The following CHRM3 variants were observed in gnomAD, a reference collection of about 807,000 sequenced individuals.
CHRM3 encodes the protein muscarinic acetylcholine receptor M3.
Under a neutral mutation model 41.8 loss-of-function variants are expected in CHRM3, and 11 were observed. The ratio of observed to expected loss-of-function variants is 0.26; its 90% confidence interval spans 0.17 to 0.44. The LOEUF is 0.44. Ranked by LOEUF, CHRM3 falls within the 20% of genes least tolerant of loss-of-function variation. The pLI is 1.00. For missense variants in CHRM3, 571 were observed against 745.4 expected (o/e 0.77, Z 2.72); for synonymous variants, 297 against 301.4 (o/e 0.99, Z 0.15).
At chr1:239,482,189 C>T (rs903785341) in intron 1 of CHRM3, among the ~76,000 whole-genome samples, 1 of 152,154 alleles carries the variant, frequency 6.6e-6, no homozygotes, top group African/African-American at 2.4e-5. Flanking sequence ...ACAGTAACAG[C>T]CCAGAGACAC....
At chr1:239,607,308 G>A (rs1666445845) in intron 3 of CHRM3, among the ~76,000 whole-genome samples, 1 of 152,020 alleles carries the variant, frequency 6.6e-6, no homozygotes, top group South Asian at 2.1e-4. Context: ...AAGGTGCTTA[G>A]AATAAAGCCT....
chr1:239,413,247 G>A (rs923418542), intron 1 of CHRM3, among the ~76,000 whole-genome samples: 20 of 152,078 alleles, frequency 1.3e-4, no homozygotes, highest in African/African-American at 4.8e-4. Context: ...AAGGTGGGAA[G>A]TGAATCATAA....
chr1:239,651,979 GTTT>G (rs1444442089), intron 4 of CHRM3, among the ~76,000 whole-genome samples: 1 of 92,782 alleles, frequency 1.1e-5, no homozygotes, highest in South Asian at 3.8e-4. Flanking sequence ...TATTTCGCCA[GTTT>G]TTGTTTTTTT....
intron 1 of CHRM3, among the ~76,000 whole-genome samples, chr1:239,454,160 G>A (rs1437799586): frequency 6.6e-6 from 1 of 152,046 alleles, no homozygotes; most frequent in Non-Finnish European, 1.5e-5. Flanking sequence ...ACAGATGAAG[G>A]GCTTACTCTC....
intron 5 of CHRM3, among the ~76,000 whole-genome samples, chr1:239,749,444 G>A (rs1049029297): frequency 3.9e-5 from 6 of 152,150 alleles, no homozygotes; most frequent in African/African-American, 1.4e-4. Context: ...CAAGGTGGGT[G>A]GATCACCTGA....
At chr1:239,687,437 T>C (rs1420656158) in intron 5 of CHRM3, among the ~76,000 whole-genome samples, 2 of 152,184 alleles carry the variant, frequency 1.3e-5, no homozygotes, top group African/African-American at 2.4e-5. Flanking sequence ...TTAGATCATA[T>C]TGATAGTACT....
At chr1:239,622,283 C>T (rs1668462991) in intron 3 of CHRM3, among the ~76,000 whole-genome samples, 1 of 152,146 alleles carries the variant, frequency 6.6e-6, no homozygotes, top group Admixed American at 6.6e-5. Flanking sequence ...ATATAACATC[C>T]ATTCTGCAGC....
intron 5 of CHRM3, among the ~76,000 whole-genome samples, chr1:239,803,653 C>T (rs1045933284): frequency 3.3e-5 from 5 of 152,278 alleles, no homozygotes; most frequent in Middle Eastern, 3.4e-3. Context: ...TCATAGATGA[C>T]GTTCTTGAAG....
intron 2 of CHRM3, among the ~76,000 whole-genome samples, chr1:239,539,995 C>A (rs963320821): frequency 2.6e-5 from 4 of 152,076 alleles, no homozygotes; most frequent in Non-Finnish European, 5.9e-5. Flanking sequence ...TACAGCCGCC[C>A]ACAGTATTCA....
intron 1 of CHRM3, among the ~76,000 whole-genome samples, chr1:239,428,298 A>G (rs1662557886): frequency 6.6e-6 from 1 of 152,218 alleles, no homozygotes; most frequent in African/African-American, 2.4e-5. Flanking sequence ...TTTCAGATAC[A>G]GTGGTGGATT....
At chr1:239,881,195 A>C (rs1182147051) in intron 6 of CHRM3, among the ~76,000 whole-genome samples, 1 of 135,500 alleles carries the variant, frequency 7.4e-6, no homozygotes, top group Non-Finnish European at 1.5e-5. Flanking sequence ...AGGCAGGAGA[A>C]TGGCGTGAAC....
At chr1:239,718,069 T>A (rs1662570560) in intron 5 of CHRM3, among the ~76,000 whole-genome samples, 1 of 151,994 alleles carries the variant, frequency 6.6e-6, no homozygotes, top group African/African-American at 2.4e-5. Context: ...TTTCAAAAAA[T>A]GCCAAGAAAG....
intron 5 of CHRM3, among the ~76,000 whole-genome samples, chr1:239,692,221 A>G (rs1659788379): frequency 6.6e-6 from 1 of 152,188 alleles, no homozygotes; most frequent in African/African-American, 2.4e-5. Context: ...GATACACCTC[A>G]TCTTCCTATG....
intron 1 of CHRM3, among the ~76,000 whole-genome samples, chr1:239,428,020 A>G (rs1662527606): frequency 6.6e-6 from 1 of 152,168 alleles, no homozygotes; most frequent in Non-Finnish European, 1.5e-5. Context: ...TTGTTTTTGC[A>G]TCTAACAGGA....
At chr1:239,563,343 A>G (rs572158051) in intron 3 of CHRM3, among the ~76,000 whole-genome samples, 36 of 152,170 alleles carry the variant, frequency 2.4e-4, no homozygotes, top group Non-Finnish European at 1.3e-4. Context: ...CAGAGTGGGC[A>G]TAAAATTGCT....
At chr1:239,522,202 C>T (rs78143185) in intron 2 of CHRM3, among the ~76,000 whole-genome samples, 2,174 of 152,252 alleles carry the variant, frequency 0.014, 42 homozygotes, top group South Asian at 0.04. Flanking sequence ...GCCTTTGTGC[C>T]ATCCTTCTTG....
rs1188313362 is a variant in CHRM3 at position 239,912,396 on chromosome 1, CTT to C, written c.*3174_*3175del. 1.2e-5 allele frequency: 2 copies of C among 167,148 alleles called. No individual in the cohort carries two copies. The highest frequency in any genetic ancestry group is 3.9e-4 in the East Asian group (2 of 5,184). 10.4% of individuals were successfully genotyped at this position (167,148 alleles called of 1,614,324 possible). On this transcript the variant is annotated 3_prime_UTR_variant, in exon 7 of 7. Coordinates refer to ENST00000676153, the MANE Select transcript of CHRM3 (RefSeq NM_001375978.1). Reference sequence around the variant, plus strand: ...GACTCTCTACATATTTTTCATTTCTCTTTACCCTTTAGTGTACAATAGTTGTA... The same window carrying C: ...GACTCTCTACATATTTTTCATTTCTCTACCCTTTAGTGTACAATAGTTGTA...
intron 5 of CHRM3, among the ~76,000 whole-genome samples, chr1:239,736,621 C>T (rs1277615246): frequency 6.6e-6 from 1 of 152,026 alleles, no homozygotes; most frequent in African/African-American, 2.4e-5. Context: ...GCTTTATAGC[C>T]TACGTTTGAA....
chr1:239,907,531 C>G lies in CHRM3; in HGVS notation c.80C>G (p.Ala27Gly). The G allele has an allele frequency of 6.2e-7, 1 of 1,614,188 alleles. No homozygotes were observed. Among genetic ancestry groups the G allele is most frequent in the Non-Finnish European group, 8.5e-7 (1 of 1,180,044 alleles). Residue 27 changes from alanine (A) to glycine (G), a missense_variant, in exon 7 of 7, where the codon GCA (alanine) becomes GGA (glycine). Around this residue, in one of 5 missense-constraint regions of CHRM3, gnomAD observed 92 missense variants for 76.1 expected, o/e 1.21. Transcript: ENST00000676153. This position sits in a 1 kb window ranked among gnomAD's most constrained non-coding sequence, Gnocchi z 5.4. ...TCCTGGATACACAGCCCCTCCGATG[C>G]AGGGCTGCCCCCGGGAACCGTCACT... The part of the protein sequence containing the change: ...SSSWIHSPSD[A>G]GLPPGTVTHF...
Sources: gnomAD v4.1 joint callset for allele counts (sites outside exome capture counted in the v4.1 genomes callset) on GRCh38, gnomAD v4.1.1 for gene constraint, gnomAD v4.1.1 regional missense constraint, Gnocchi (gnomAD v3.1) non-coding constraint, MANE v1.5 for transcripts, NCBI Gene and HGNC (gene_info 2026-07-23, HGNC 2026-07-21) for gene names.